Variants in CHN1 observed in about 807,000 individuals in gnomAD.
The protein encoded by CHN1 is chimerin 1, also known as N-chimaerin.
In CHN1, 37 loss-of-function variants were observed where a neutral mutation model predicts 59.5. That is an observed-to-expected ratio of 0.62 (90% CI 0.48 to 0.82). The LOEUF is 0.82. Among genes scored for constraint, CHN1 ranks in the 40% least tolerant of loss-of-function variants. The probability of loss-of-function intolerance (pLI) is 0.00; values close to 1 mark genes in which losing one functional copy is unlikely to be tolerated. For missense variants in CHN1, 469 were observed against 571.0 expected, an observed-to-expected ratio of 0.82 and a Z score of 1.82; for synonymous variants, 206 against 200.4, an observed-to-expected ratio of 1.03 and a Z score of -0.24.
At chr2:174,999,649 T>C (rs1199367900) in intron 1 of CHN1, among the ~76,000 whole-genome samples, 1 of 152,112 alleles carries the variant, frequency 6.6e-6, no homozygotes, top group African/African-American at 2.4e-5. Flanking sequence ...TCTCAATGAG[T>C]TGAGGAGATG....
At chr2:174,840,022 T>C (rs1285215974) in intron 7 of CHN1, among the ~76,000 whole-genome samples, 1 of 152,188 alleles carries the variant, frequency 6.6e-6, no homozygotes, top group Non-Finnish European at 1.5e-5. Flanking sequence ...TACTCACTTC[T>C]GACTGTCATT....
At chr2:174,888,488 G>T (rs568588214) in intron 5 of CHN1, among the ~76,000 whole-genome samples, 92 of 152,256 alleles carry the variant, frequency 6.0e-4, no homozygotes, top group African/African-American at 2.2e-3. Context: ...GCAATATGGG[G>T]TTTTGAGGGG....
intron 7 of CHN1, among the ~76,000 whole-genome samples, chr2:174,830,151 T>A (rs957508083): frequency 7.2e-5 from 11 of 152,002 alleles, no homozygotes; most frequent in Non-Finnish European, 1.6e-4. Context: ...GAGAATGGCA[T>A]GAACCCAGGA....
intron 5 of CHN1, among the ~76,000 whole-genome samples, chr2:174,913,427 A>T (rs1305335008): frequency 6.6e-6 from 1 of 152,204 alleles, no homozygotes; most frequent in Non-Finnish European, 1.5e-5. Context: ...TTAGGAGTAG[A>T]AAGATGAAGA....
At chr2:174,924,563 T>C (rs1689114857) in intron 3 of CHN1, among the ~76,000 whole-genome samples, 1 of 152,210 alleles carries the variant, frequency 6.6e-6, no homozygotes, top group African/African-American at 2.4e-5. Context: ...CTGAATCTAA[T>C]AGGGTAGAGA....
intron 6 of CHN1, among the ~76,000 whole-genome samples, chr2:174,858,458 G>A (rs956390958): frequency 3.9e-5 from 6 of 152,164 alleles, no homozygotes; most frequent in African/African-American, 1.4e-4. Flanking sequence ...ACCCTGGGAA[G>A]AAGTACAAGC....
intron 6 of CHN1, among the ~76,000 whole-genome samples, chr2:174,867,993 G>T (rs1687281217): frequency 2.0e-5 from 3 of 152,132 alleles, no homozygotes; most frequent in African/African-American, 7.2e-5. Flanking sequence ...TCTATGCGTA[G>T]GAAGACAGAC....
chr2:174,914,484 G>A lies in CHN1; in HGVS notation c.260+574C>T, dbSNP rs148502210. 2.9e-3 allele frequency among the ~76,000 whole-genome samples: 444 copies of A among 152,188 alleles called. 2 individuals are homozygous for A. The highest frequency in any genetic ancestry group is 0.01 in the Middle Eastern group (3 of 292). On this transcript the variant is annotated intron_variant, in intron 5 of 12. Transcript: ENST00000409900. ...CTTATTCAAGAAATTGACGGAAGCC[G>A]ACAAGCTAGACAAACAGGAAAGAAG...
intron 5 of CHN1, among the ~76,000 whole-genome samples, chr2:174,904,158 G>A (rs866890576): frequency 1.3e-5 from 2 of 152,014 alleles, no homozygotes; most frequent in African/African-American, 4.8e-5. Context: ...AGCTACTCGG[G>A]AGGCTGAGGC....
At chr2:174,925,518 A>G (rs1025055209) in intron 3 of CHN1, among the ~76,000 whole-genome samples, 7 of 152,176 alleles carry the variant, frequency 4.6e-5, no homozygotes, top group African/African-American at 1.7e-4. Context: ...TGGACCTAGG[A>G]GTGATTAAAC....
chr2:174,834,308 G>A (rs1168643770), intron 7 of CHN1, among the ~76,000 whole-genome samples: 1 of 152,054 alleles, frequency 6.6e-6, no homozygotes, highest in South Asian at 2.1e-4. Context: ...AAGATACTAA[G>A]TCAGGAAAAA....
chr2:174,928,285 A>C (rs1281683245), intron 3 of CHN1, among the ~76,000 whole-genome samples: 1 of 152,234 alleles, frequency 6.6e-6, no homozygotes, highest in East Asian at 1.9e-4. Flanking sequence ...ATTTTAAGTC[A>C]AAATTAGAAT....
chr2:174,831,439 T>C (rs886538437), intron 7 of CHN1, among the ~76,000 whole-genome samples: 34 of 152,296 alleles, frequency 2.2e-4, no homozygotes, highest in Non-Finnish European at 3.2e-4. Context: ...TGTTCTGTGC[T>C]GAGCTGAAAT....
intron 7 of CHN1, among the ~76,000 whole-genome samples, chr2:174,830,915 G>T (rs1307484595): frequency 1.3e-5 from 2 of 152,178 alleles, no homozygotes; most frequent in East Asian, 1.9e-4. Flanking sequence ...CAGAAAATTG[G>T]TGACCTAATT....
chr2:174,924,155 T>C (rs1384462085), intron 3 of CHN1, among the ~76,000 whole-genome samples: 3 of 152,208 alleles, frequency 2.0e-5, no homozygotes, highest in African/African-American at 7.2e-5. Flanking sequence ...AAACATAGCA[T>C]AAATTCCCTT....
intron 3 of CHN1, among the ~76,000 whole-genome samples, chr2:174,920,510 C>T (rs754030735): frequency 1.2e-4 from 18 of 152,154 alleles, no homozygotes; most frequent in Non-Finnish European, 2.1e-4. Flanking sequence ...TTGACACTGA[C>T]TCATTTGAAT....
intron 10 of CHN1, among the ~76,000 whole-genome samples, chr2:174,809,887 CTG>C (rs1190812306): frequency 1.3e-5 from 2 of 152,200 alleles, no homozygotes; most frequent in African/African-American, 4.8e-5. Context: ...ACATAAATAT[CTG>C]TGATTCCACC....
In CHN1 at chr2:175,005,326, C is replaced by A; in HGVS notation, c.-414G>T. ...GCCTCGCACAGCCCCCGGCGGGGCG[C>A]GCTCACTCCGCATCCCGCGGCCTCG... is the stretch of plus-strand genomic sequence containing the variant. On this transcript the variant is annotated 5_prime_UTR_variant, in exon 1 of 13. Coordinates refer to ENST00000409900, the MANE Select transcript of CHN1 (RefSeq NM_001822.7). 1 of 1,174,144 alleles carries A rather than the reference C, an allele frequency of 8.5e-7. No homozygotes were observed. The highest frequency in any genetic ancestry group is 1.1e-6 in the Non-Finnish European group (1 of 932,550). The allele number at this position is 1,174,144 out of a possible 1,614,324, so 72.7% of individuals were successfully genotyped here.
chr2:174,847,559 C>G (rs1686569016), intron 6 of CHN1: 6 of 1,260,498 alleles, frequency 4.8e-6, no homozygotes, highest in Non-Finnish European at 6.1e-6. Context: ...TGCCTGCAAT[C>G]AGTTTCTAGC....
Sources: allele counts gnomAD v4.1 joint callset (sites outside exome capture counted in the v4.1 genomes callset), GRCh38; gene constraint gnomAD v4.1.1; transcripts MANE v1.5; gene names NCBI Gene and HGNC (gene_info 2026-07-23, HGNC 2026-07-21).